The following SMYD3 variants were observed in gnomAD, a reference collection of about 807,000 sequenced individuals.
SMYD3 encodes the protein histone-lysine N-methyltransferase SMYD3.
Under a neutral mutation model 57.7 loss-of-function variants are expected in SMYD3, and 36 were observed. The ratio of observed to expected loss-of-function variants is 0.62; its 90% CI spans 0.48 to 0.82. The LOEUF (loss-of-function observed/expected upper bound fraction) is 0.82, where lower values mean the gene tolerates loss of function less well. Among genes scored for constraint, SMYD3 ranks in the 40% least tolerant of loss-of-function variants. The probability of loss-of-function intolerance (pLI) is 0.00; values close to 1 mark genes in which losing one functional copy is unlikely to be tolerated. For synonymous variants in SMYD3, 211 were observed against 195.0 expected (o/e 1.08, Z -0.68); for missense variants, 515 against 538.8 (o/e 0.96, Z 0.44).
At chr1:245,817,308 G>A (rs932755383) in intron 10 of SMYD3, among the ~76,000 whole-genome samples, 6 of 144,178 alleles carry the variant, frequency 4.2e-5, no homozygotes, top group Admixed American at 2.1e-4. Flanking sequence ...ACATGGCAGG[G>A]TATTCCAACA....
At chr1:245,783,759 A>G (rs561571995) in intron 10 of SMYD3, among the ~76,000 whole-genome samples, 1 of 152,358 alleles carries the variant, frequency 6.6e-6, no homozygotes, top group Middle Eastern at 3.4e-3. Context: ...ACATACATGA[A>G]AACCAAAATA....
At chr1:245,958,690 AAAG>A (rs2057918933) in intron 5 of SMYD3, among the ~76,000 whole-genome samples, 1 of 152,212 alleles carries the variant, frequency 6.6e-6, no homozygotes, top group African/African-American at 2.4e-5. Flanking sequence ...TTATTCCTAG[AAAG>A]AAGAAGCTAC....
At chr1:246,268,887 G>C (rs1485495799) in intron 5 of SMYD3, among the ~76,000 whole-genome samples, 1 of 152,006 alleles carries the variant, frequency 6.6e-6, no homozygotes, top group African/African-American at 2.4e-5. Context: ...AGATCCAAGA[G>C]CCCTCCCTTG....
intron 5 of SMYD3, among the ~76,000 whole-genome samples, chr1:246,022,163 C>A (rs1218724333): frequency 6.6e-6 from 1 of 152,198 alleles, no homozygotes; most frequent in Non-Finnish European, 1.5e-5. Flanking sequence ...GTACTTAAGA[C>A]ATCAGTCCCT....
At chr1:246,084,291 C>T (rs562867093) in intron 5 of SMYD3, among the ~76,000 whole-genome samples, 72 of 151,682 alleles carry the variant, frequency 4.7e-4, no homozygotes, top group African/African-American at 1.7e-3. Context: ...TCACAGCCCA[C>T]TGCAGTCTCA....
In SMYD3 at chr1:245,820,029, T is replaced by TC. The variant is rs1450722402; in HGVS notation, c.1076+38466dup. Among the ~76,000 whole-genome samples, 53 of 106,822 alleles carry TC rather than the reference T, an allele frequency of 5.0e-4. No homozygotes were observed. The East Asian group carries it at 0.014, about 27-fold the overall frequency. 70.1% of individuals were successfully genotyped at this position (106,822 alleles called of 152,430 possible). A position where few individuals can be genotyped will look rare whatever the true frequency, so the allele number is the denominator to read the frequency against. ...CAATCAATAGAAAAAGAGGGAATCC[T>TC]CCCTAACTCATTTTATGAGGCCAGC... On this transcript the variant is annotated intron_variant, in intron 10 of 11. Transcript: ENST00000490107.
At chr1:245,791,528 G>T (rs773084446) in intron 10 of SMYD3, among the ~76,000 whole-genome samples, 1 of 150,724 alleles carries the variant, frequency 6.6e-6, no homozygotes, top group Admixed American at 6.7e-5. Flanking sequence ...TGTGGAGCAC[G>T]GGTCAGCCAG....
At chr1:246,019,669 G>GATAT (rs1206353303) in intron 5 of SMYD3, among the ~76,000 whole-genome samples, 2 of 152,016 alleles carry the variant, frequency 1.3e-5, no homozygotes, top group Non-Finnish European at 2.9e-5. Flanking sequence ...AGATTACCTA[G>GATAT]GTCCATCTGT....
chr1:246,030,861 G>A (rs1239770785), intron 5 of SMYD3, among the ~76,000 whole-genome samples: 1 of 152,048 alleles, frequency 6.6e-6, no homozygotes, highest in Admixed American at 6.5e-5. Context: ...GCAGTGGAAC[G>A]CTTACATCAA....
intron 5 of SMYD3, among the ~76,000 whole-genome samples, chr1:246,033,078 T>C (rs2059707153): frequency 6.6e-6 from 1 of 152,132 alleles, no homozygotes; most frequent in Non-Finnish European, 1.5e-5. Context: ...TGAAAAACCA[T>C]GTTCCCATAA....
At position 245,869,497 on chromosome 1, in the gene SMYD3, T is replaced by C. The variant is rs75360042; in HGVS notation, c.814-5611A>G. Among the ~76,000 whole-genome samples the C allele has an allele frequency of 5.8e-3, 887 of 152,328 alleles. 15 individuals carry two copies. Among genetic ancestry groups the C allele is most frequent in the East Asian group, 0.046 (240 of 5,180 alleles). On this transcript the variant is annotated intron_variant, in intron 8 of 11. Transcript: ENST00000490107. Reference sequence around the variant, plus strand: ...TGCAGAACCAATTTAGCTCCATCTCTGGTGACTGCTCTTTTGCACAGCCCC... The same window carrying C: ...TGCAGAACCAATTTAGCTCCATCTCCGGTGACTGCTCTTTTGCACAGCCCC...
intron 11 of SMYD3, among the ~76,000 whole-genome samples, chr1:245,758,199 A>G (rs377550859): frequency 6.6e-6 from 1 of 152,130 alleles, no homozygotes; most frequent in South Asian, 2.1e-4. Flanking sequence ...GTTCATTTTT[A>G]GCGTTTAGAA....
At chr1:246,231,489 A>G (rs547630448) in intron 5 of SMYD3, among the ~76,000 whole-genome samples, 1 of 152,368 alleles carries the variant, frequency 6.6e-6, no homozygotes, top group South Asian at 2.1e-4. Flanking sequence ...GTTTCTACAT[A>G]GTAACTATAA....
At chr1:246,122,800 C>CT (rs2061443740) in intron 5 of SMYD3, among the ~76,000 whole-genome samples, 1 of 152,224 alleles carries the variant, frequency 6.6e-6, no homozygotes, top group Non-Finnish European at 1.5e-5. Context: ...AAACATGCCC[C>CT]TGCTCTCCGG....
intron 5 of SMYD3, among the ~76,000 whole-genome samples, chr1:246,307,228 T>C (rs1437124757): frequency 2.6e-5 from 4 of 152,154 alleles, no homozygotes; most frequent in African/African-American, 4.8e-5. Context: ...TCTTCTTTTA[T>C]AGATCTCAAA....
At chr1:245,793,273 C>T (rs906930466) in intron 10 of SMYD3, among the ~76,000 whole-genome samples, 1 of 151,734 alleles carries the variant, frequency 6.6e-6, no homozygotes, top group African/African-American at 2.4e-5. Context: ...CGTGCCACTG[C>T]ACTCCAGCTT....
chr1:245,826,882 T>C (rs1210157437), intron 10 of SMYD3, among the ~76,000 whole-genome samples: 1 of 152,184 alleles, frequency 6.6e-6, no homozygotes, highest in East Asian at 1.9e-4. Flanking sequence ...GAGAAGAGCA[T>C]GGAGCAAACT....
chr1:246,115,014 T>C lies in SMYD3; in HGVS notation c.532-185077A>G, dbSNP rs185078472. On this transcript the variant is annotated intron_variant, in intron 5 of 11. Coordinates refer to ENST00000490107, the MANE Select transcript of SMYD3 (RefSeq NM_001167740.2). ...CTTAGCCAGTCACGCTCACAACAAG[T>C]AGAAGCCAGGCGGAGCCTGAAGGAG... is the stretch of plus-strand genomic sequence containing the variant. 2.7e-3 allele frequency among the ~76,000 whole-genome samples: 410 copies of C among 152,244 alleles called. 4 individuals are homozygous for C. The highest frequency in any genetic ancestry group is 9.2e-3 in the African/African-American group (383 of 41,540).
At chr1:246,386,797 T>C (rs951066804) in intron 1 of SMYD3, among the ~76,000 whole-genome samples, 3 of 152,094 alleles carry the variant, frequency 2.0e-5, no homozygotes, top group African/African-American at 4.8e-5. Flanking sequence ...ACTTATTACA[T>C]AGTTTACCCC....
Sources: gnomAD v4.1 joint callset for allele counts (sites outside exome capture counted in the v4.1 genomes callset) on GRCh38, gnomAD v4.1.1 for gene constraint, MANE v1.5 for transcripts, NCBI Gene and HGNC (gene_info 2026-07-23, HGNC 2026-07-21) for gene names.